Variants in ANKRD44 observed in about 807,000 individuals in gnomAD.
ANKRD44 encodes the protein serine/threonine-protein phosphatase 6 regulatory ankyrin repeat subunit B.
In ANKRD44, 35 loss-of-function variants were observed where a neutral mutation model predicts 116.0. The ratio of observed to expected loss-of-function variants is 0.30; its 90% CI spans 0.23 to 0.40. The LOEUF (loss-of-function observed/expected upper bound fraction) is 0.40, where lower values mean the gene tolerates loss of function less well. Ranked by LOEUF, ANKRD44 falls within the 10% of genes least tolerant of loss-of-function variation. ANKRD44 has a pLI of 1.00. For synonymous variants in ANKRD44, 435 were observed against 461.8 expected, an observed-to-expected ratio of 0.94 and a Z score of 0.74; for missense variants, 1,014 against 1,242.6, an observed-to-expected ratio of 0.82 and a Z score of 2.77.
chr2:197,123,822 T>A (rs111639177), intron 6 of ANKRD44, among the ~76,000 whole-genome samples: 1 of 152,106 alleles, frequency 6.6e-6, no homozygotes, highest in Non-Finnish European at 1.5e-5. Flanking sequence ...TTTATTAAAA[T>A]TTGACTCTTT....
At chr2:197,260,050 T>C (rs1159593463) in intron 1 of ANKRD44, among the ~76,000 whole-genome samples, 1 of 152,240 alleles carries the variant, frequency 6.6e-6, no homozygotes, top group Non-Finnish European at 1.5e-5. Flanking sequence ...CTACTTTTCC[T>C]AGAAACAGAG....
intron 3 of ANKRD44, among the ~76,000 whole-genome samples, chr2:197,137,276 T>C (rs2079241885): frequency 6.6e-6 from 1 of 152,190 alleles, no homozygotes; most frequent in Non-Finnish European, 1.5e-5. Flanking sequence ...AGAAAATATG[T>C]GTATCTTTGT....
At chr2:197,034,657 G>A (rs779648962) in intron 16 of ANKRD44, among the ~76,000 whole-genome samples, 7 of 151,388 alleles carry the variant, frequency 4.6e-5, no homozygotes, top group Non-Finnish European at 7.4e-5. Context: ...AATCATTCAC[G>A]AAGGTTCTAC....
intron 17 of ANKRD44, among the ~76,000 whole-genome samples, chr2:197,021,429 CG>C (rs2076496428): frequency 6.6e-6 from 1 of 152,206 alleles, no homozygotes; most frequent in Non-Finnish European, 1.5e-5. Context: ...AGTGTAAAAG[CG>C]TTCCTATTTC....
chr2:196,990,576 G>A, intron 27 of ANKRD44: 1 of 1,230,482 alleles, frequency 8.1e-7, no homozygotes, highest in East Asian at 3.2e-5. Flanking sequence ...GCTTCTGGAA[G>A]CCCAGGCCCC....
intron 1 of ANKRD44, among the ~76,000 whole-genome samples, chr2:197,206,299 A>G (rs1265540530): frequency 2.0e-5 from 3 of 152,226 alleles, no homozygotes; most frequent in Admixed American, 2.0e-4. Flanking sequence ...ACATACAAGC[A>G]TGGGTGAAAA....
At chr2:197,207,851 G>T (rs374560671) in intron 1 of ANKRD44, among the ~76,000 whole-genome samples, 1 of 152,098 alleles carries the variant, frequency 6.6e-6, no homozygotes, top group East Asian at 1.9e-4. Flanking sequence ...AGACACATAC[G>T]AGTTCTTACA....
intron 8 of ANKRD44, among the ~76,000 whole-genome samples, chr2:197,117,909 G>A (rs1342148244): frequency 6.6e-6 from 1 of 151,802 alleles, no homozygotes; most frequent in Non-Finnish European, 1.5e-5. Flanking sequence ...TTGGTTTTCT[G>A]GATATAAAAA....
At chr2:197,002,561 T>G (rs2076131952) in intron 21 of ANKRD44, among the ~76,000 whole-genome samples, 1 of 152,166 alleles carries the variant, frequency 6.6e-6, no homozygotes, top group Non-Finnish European at 1.5e-5. Flanking sequence ...TAGGAATACC[T>G]GCCCTACCTA....
intron 1 of ANKRD44, among the ~76,000 whole-genome samples, chr2:197,298,842 C>T (rs1030234904): frequency 1.3e-5 from 2 of 151,680 alleles, no homozygotes; most frequent in Admixed American, 6.6e-5. Context: ...AACTGAGCCC[C>T]GGAAGTCAAG....
At chr2:197,217,209 T>C (rs2081468375) in intron 1 of ANKRD44, among the ~76,000 whole-genome samples, 1 of 152,216 alleles carries the variant, frequency 6.6e-6, no homozygotes, top group Non-Finnish European at 1.5e-5. Context: ...TCCTATTTAC[T>C]GATGCATTGT....
At chr2:197,204,495 A>G (rs2081162840) in intron 1 of ANKRD44, among the ~76,000 whole-genome samples, 1 of 152,202 alleles carries the variant, frequency 6.6e-6, no homozygotes, top group Non-Finnish European at 1.5e-5. Flanking sequence ...ATGTGACATA[A>G]TGATTCAGGT....
intron 21 of ANKRD44, among the ~76,000 whole-genome samples, chr2:196,980,582 C>G (rs552878411): frequency 6.6e-6 from 1 of 152,082 alleles, no homozygotes; most frequent in Admixed American, 6.5e-5. Flanking sequence ...GCAGAAGGCC[C>G]GCTGGGAAGT....
intron 2 of ANKRD44, among the ~76,000 whole-genome samples, chr2:197,152,540 G>A (rs2079679860): frequency 6.6e-6 from 1 of 152,174 alleles, no homozygotes. Context: ...ACAGCCAGCA[G>A]GGGTCTGAGC....
chr2:197,176,966 GC>G (rs1240020272), intron 2 of ANKRD44, among the ~76,000 whole-genome samples: 1 of 152,016 alleles, frequency 6.6e-6, no homozygotes, highest in Admixed American at 6.6e-5. Flanking sequence ...CAGTTGGAAG[GC>G]CCTCTGGCTG....
intron 2 of ANKRD44, among the ~76,000 whole-genome samples, chr2:197,162,491 T>C (rs745515105): frequency 7.9e-5 from 12 of 152,290 alleles, no homozygotes; most frequent in Non-Finnish European, 1.8e-4. Flanking sequence ...CAGACGGAAA[T>C]GTAGAAGTGT....
chr2:197,178,313 G>A (rs1304664710), intron 2 of ANKRD44, among the ~76,000 whole-genome samples: 1 of 142,202 alleles, frequency 7.0e-6, no homozygotes, highest in Admixed American at 6.9e-5. Flanking sequence ...TCTACAAAAA[G>A]TTAAAAAATT....
At chr2:197,246,369 T>TTTTTTTTTTTTTTG (rs1559181788) in intron 1 of ANKRD44, among the ~76,000 whole-genome samples, 1 of 130,940 alleles carries the variant, frequency 7.6e-6, no homozygotes. Context: ...TTTTTTTTTT[T>TTTTTTTTTTTTTTG]TTTTTTAGAG....
In ANKRD44 at chr2:197,203,577, A is replaced by AT. The variant is rs2081139781; in HGVS notation, c.28-16472dup. ...TCAATAAGTTAAACATGGAATTACC[A>AT]TATAATTCAGAAATTCCACTGCTAT... is the stretch of plus-strand genomic sequence containing the variant. On this transcript the variant is annotated intron_variant, in intron 1 of 27. Transcript: ENST00000282272. This position sits in a 1 kb window ranked among gnomAD's most constrained non-coding sequence, Gnocchi z 4.1. Among the ~76,000 whole-genome samples, 1 of 152,242 alleles carries AT rather than the reference A, an allele frequency of 6.6e-6. No homozygotes were observed. Among genetic ancestry groups the AT allele is most frequent in the African/African-American group, 2.4e-5 (1 of 41,460 alleles).
Sources: allele counts gnomAD v4.1 joint callset (sites outside exome capture counted in the v4.1 genomes callset), GRCh38; gene constraint gnomAD v4.1.1; non-coding constraint Gnocchi (gnomAD v3.1); transcripts MANE v1.5; gene names NCBI Gene and HGNC (gene_info 2026-07-23, HGNC 2026-07-21).